The following NKAIN3 variants were observed in gnomAD, a reference collection of about 807,000 sequenced individuals.
The protein encoded by NKAIN3 is sodium/potassium-transporting ATPase subunit beta-1-interacting protein 3.
Under a neutral mutation model 30.2 loss-of-function variants are expected in NKAIN3, and 25 were observed. The observed-to-expected ratio is 0.83, with a 90% CI of 0.60 to 1.16. The LOEUF (loss-of-function observed/expected upper bound fraction) is 1.16. Among genes scored for constraint, NKAIN3 ranks in the 50% most tolerant of loss-of-function variants. NKAIN3 has a pLI of 0.00. For missense variants in NKAIN3, 225 were observed against 254.1 expected (o/e 0.89, Z 0.78); for synonymous variants, 91 against 89.6 (o/e 1.02, Z -0.09).
intron 2 of NKAIN3, among the ~76,000 whole-genome samples, chr8:62,586,337 G>A (rs934728832): frequency 6.6e-6 from 1 of 152,134 alleles, no homozygotes; most frequent in Non-Finnish European, 1.5e-5. Flanking sequence ...ATGTTTGTTT[G>A]CTTTCCTTTT....
At chr8:62,493,935 A>C (rs1338867019) in intron 1 of NKAIN3, among the ~76,000 whole-genome samples, 1 of 152,012 alleles carries the variant, frequency 6.6e-6, no homozygotes, top group Non-Finnish European at 1.5e-5. Flanking sequence ...TCGAGACTCT[A>C]GGGTTTTCTG....
intron 1 of NKAIN3, among the ~76,000 whole-genome samples, chr8:62,403,395 G>A (rs942222406): frequency 5.9e-5 from 9 of 152,148 alleles, no homozygotes; most frequent in East Asian, 5.8e-4. Context: ...AGGGCATGTC[G>A]GAGACCTTCA....
At chr8:62,517,040 C>T (rs1053818826) in intron 1 of NKAIN3, among the ~76,000 whole-genome samples, 4 of 149,608 alleles carry the variant, frequency 2.7e-5, no homozygotes, top group African/African-American at 5.1e-5. Context: ...TTTCATTTGA[C>T]GCCTCATTAA....
At chr8:62,893,607 C>T (rs933252739) in intron 4 of NKAIN3, among the ~76,000 whole-genome samples, 10 of 151,858 alleles carry the variant, frequency 6.6e-5, no homozygotes, top group South Asian at 2.1e-4. Context: ...GAGGGGAAGC[C>T]GGTGATGTTT....
At chr8:62,909,734 A>G (rs1261750381) in intron 4 of NKAIN3, among the ~76,000 whole-genome samples, 2 of 152,168 alleles carry the variant, frequency 1.3e-5, no homozygotes, top group Non-Finnish European at 2.9e-5. Flanking sequence ...TTTCATGAGT[A>G]TGCCCATCAA....
chr8:62,282,896 A>G (rs1385532686), intron 1 of NKAIN3, among the ~76,000 whole-genome samples: 1 of 152,064 alleles, frequency 6.6e-6, no homozygotes, highest in African/African-American at 2.4e-5. Context: ...TCTTCTCCTC[A>G]TTACTGTACT....
At chr8:62,310,500 T>C (rs1331458017) in intron 1 of NKAIN3, among the ~76,000 whole-genome samples, 1 of 150,732 alleles carries the variant, frequency 6.6e-6, no homozygotes, top group African/African-American at 2.5e-5. Flanking sequence ...TGTATGTTAC[T>C]TTCCTTAACG....
Position 62,747,091 on chromosome 8 carries a change from C to G in NKAIN3, c.433C>G (p.Leu145Val). Residue 145 changes from leucine to valine, a missense_variant, in exon 4 of 7, where the codon CTG becomes GTG. Coordinates refer to ENST00000623646, the MANE Select transcript of NKAIN3 (RefSeq NM_001304533.3). Reference protein sequence around the residue: ...VTGCIVDFQYLEVIHSAVQIL... With the variant: ...VTGCIVDFQYVEVIHSAVQIL... Reference sequence around the variant, plus strand: ...AGGCTGCATCGTTGACTTCCAGTACCTGGAGGTCATCCACAGTGCTGTCCA... The same window carrying G: ...AGGCTGCATCGTTGACTTCCAGTACGTGGAGGTCATCCACAGTGCTGTCCA... The G allele has an allele frequency of 6.2e-7, 1 of 1,613,340 alleles. No homozygotes were observed. The highest frequency in any genetic ancestry group is 1.1e-5 in the South Asian group (1 of 91,040).
chr8:62,890,056 A>C (rs1320624692), intron 4 of NKAIN3, among the ~76,000 whole-genome samples: 1 of 152,152 alleles, frequency 6.6e-6, no homozygotes, highest in Non-Finnish European at 1.5e-5. Flanking sequence ...GGCTGTAAAA[A>C]TAATTTATCT....
chr8:62,336,592 C>A (rs1815559585), intron 1 of NKAIN3, among the ~76,000 whole-genome samples: 1 of 151,886 alleles, frequency 6.6e-6, no homozygotes. Context: ...AAGCTGTCCA[C>A]ACATGTGACA....
chr8:62,290,925 G>A (rs190236676), intron 1 of NKAIN3, among the ~76,000 whole-genome samples: 1 of 151,656 alleles, frequency 6.6e-6, no homozygotes, highest in Non-Finnish European at 1.5e-5. Context: ...AACCTGGTAT[G>A]GGTCTATTCA....
In NKAIN3 at chr8:62,966,318, A is replaced by C. The variant is rs934634434; in HGVS notation, c.*911A>C. 6.1e-6 allele frequency: 6 copies of C among 983,990 alleles called. No homozygotes were observed. The African/African-American group carries it at 1.0e-4, about 17-fold the overall frequency. 61.0% of individuals were successfully genotyped at this position (983,990 alleles called of 1,614,324 possible). ...CTAAAGGAGACATTCACGTGTGAGC[A>C]ACATCAGCTTTTCTTTCTCCTACCC... On this transcript the variant is annotated 3_prime_UTR_variant, in exon 7 of 7. Transcript: ENST00000623646.
chr8:62,504,985 A>G (rs1807584584), intron 1 of NKAIN3, among the ~76,000 whole-genome samples: 1 of 152,176 alleles, frequency 6.6e-6, no homozygotes, highest in African/African-American at 2.4e-5. Flanking sequence ...CACTTACTTG[A>G]ATCTCTGTTT....
chr8:62,665,315 T>C (rs555281456), intron 3 of NKAIN3, among the ~76,000 whole-genome samples: 1 of 152,302 alleles, frequency 6.6e-6, no homozygotes, highest in African/African-American at 2.4e-5. Context: ...TACTGCTTAT[T>C]TAGGCCTTAT....
chr8:62,892,345 A>G lies in NKAIN3; in HGVS notation c.472-26108A>G, dbSNP rs547782077. Among the ~76,000 whole-genome samples the G allele has an allele frequency of 3.3e-5, 5 of 152,338 alleles. No individual in the cohort carries two copies. In the East Asian group the frequency reaches 9.6e-4, roughly 29 times the overall value. On this transcript the variant is annotated intron_variant, in intron 4 of 6. Transcript: ENST00000623646. ...AAAATCTCTTTCTAAATCTGCTTCCATCATAGTGTTAAATACTTCACATTA... is the reference window on the plus strand; with the variant it reads ...AAAATCTCTTTCTAAATCTGCTTCCGTCATAGTGTTAAATACTTCACATTA...
intron 4 of NKAIN3, among the ~76,000 whole-genome samples, chr8:62,866,736 T>C (rs188665126): frequency 0.017 from 2,544 of 152,138 alleles, 30 homozygotes; most frequent in South Asian, 0.042. Flanking sequence ...GTTTGAGGTG[T>C]TTGCGGTTGT....
At position 62,326,418 on chromosome 8, in the gene NKAIN3, G is replaced by A. The variant is rs571129852; in HGVS notation, c.54+77291G>A. 3.2e-4 allele frequency among the ~76,000 whole-genome samples: 48 copies of A among 151,848 alleles called. 1 individual carries two copies. The highest frequency in any genetic ancestry group is 1.7e-3 in the East Asian group (9 of 5,170). On this transcript the variant is annotated intron_variant, in intron 1 of 6. Transcript: ENST00000623646. ...GTTACATTTCTGGAAAAGTTTTTCC[G>A]ATGTTATCTTCTAGAATGTTTATGA... is the stretch of plus-strand genomic sequence containing the variant.
intron 4 of NKAIN3, among the ~76,000 whole-genome samples, chr8:62,788,037 ATT>A (rs1817579663): frequency 6.0e-4 from 2 of 3,352 alleles, no homozygotes; most frequent in Non-Finnish European, 1.4e-3. Flanking sequence ...TCCTTTGGGT[ATT>A]TGGGTATACA....
chr8:62,833,844 A>T (rs1819273245), intron 4 of NKAIN3, among the ~76,000 whole-genome samples: 1 of 152,116 alleles, frequency 6.6e-6, no homozygotes, highest in African/African-American at 2.4e-5. Flanking sequence ...CATTACCCTG[A>T]TACCAAAATA....
Sources: gnomAD v4.1 joint callset for allele counts (sites outside exome capture counted in the v4.1 genomes callset) on GRCh38, gnomAD v4.1.1 for gene constraint, MANE v1.5 for transcripts, NCBI Gene and HGNC (gene_info 2026-07-23, HGNC 2026-07-21) for gene names.